LYST: variants seen among roughly 807,000 people sequenced by gnomAD.
LYST encodes the protein lysosomal-trafficking regulator.
A neutral mutation model predicts 413.6 loss-of-function variants in LYST; 192 were observed. The ratio of observed to expected loss-of-function variants is 0.46; its 90% confidence interval spans 0.41 to 0.52. The LOEUF (loss-of-function observed/expected upper bound fraction) is 0.52. Among genes scored for constraint, LYST ranks in the 20% least tolerant of loss-of-function variants. LYST has a pLI of 0.00. For synonymous variants in LYST, 1,525 were observed against 1,567.3 expected, an observed-to-expected ratio of 0.97 and a Z score of 0.64; for missense variants, 3,815 against 4,499.9, an observed-to-expected ratio of 0.85 and a Z score of 4.35.
intron 1 of LYST, among the ~76,000 whole-genome samples, chr1:235,836,250 T>C (rs1676561237): frequency 6.6e-6 from 1 of 152,244 alleles, no homozygotes; most frequent in Admixed American, 6.5e-5. Context: ...ATTGAACATT[T>C]ACTGTATGTG....
In LYST at chr1:235,759,075, C is replaced by T. The variant is rs770175695; in HGVS notation, c.6778G>A (p.Gly2260Ser). Residue 2260 changes from glycine (G) to serine (S), a missense_variant, in exon 23 of 53, where the codon GGC becomes AGC. Physicochemically the swap from Gly to Ser is moderately conservative, Grantham distance 56. Coordinates refer to ENST00000389793, the MANE Select transcript of LYST (RefSeq NM_000081.4). ...FPSQNGSAAVGRWPSLVDRNT... is the reference protein window; with the variant it reads ...FPSQNGSAAVSRWPSLVDRNT... ...CTATCAACAAGACTTGGCCAACGGC[C>T]AACAGCTGCAGATCCGTTCTGTGAA... 2.5e-6 allele frequency: 4 copies of T among 1,614,148 alleles called. No individual in the cohort carries two copies. Among genetic ancestry groups the T allele is most frequent in the East Asian group, 2.2e-5 (1 of 44,880 alleles).
At chr1:235,817,973 T>C (rs942158441) in intron 3 of LYST, among the ~76,000 whole-genome samples, 3 of 152,176 alleles carry the variant, frequency 2.0e-5, no homozygotes, top group African/African-American at 7.2e-5. Context: ...AGAAAATACG[T>C]AAGTTTTACA....
chr1:235,746,469 C>A lies in LYST; in HGVS notation c.7839G>T (p.Val2613=). The A allele has an allele frequency of 6.2e-7, 1 of 1,613,834 alleles. No homozygotes were observed. The highest frequency in any genetic ancestry group is 8.5e-7 in the Non-Finnish European group (1 of 1,179,882). Residue 2613 remains valine, a synonymous_variant, in exon 29 of 53, where the codon GTG becomes GTT. Coordinates refer to ENST00000389793, the MANE Select transcript of LYST (RefSeq NM_000081.4). ...TESLLMKMRS[V]ANDELHVMMQ... is the part of the protein sequence containing the mutation. Reference sequence around the variant, plus strand: ...TCATCACATGAAGCTCATCATTTGCCACTGAACGCATTTTCATCAGAAGCG... The same window carrying A: ...TCATCACATGAAGCTCATCATTTGCAACTGAACGCATTTTCATCAGAAGCG...
At chr1:235,722,165 A>G (rs995489794) in intron 39 of LYST, among the ~76,000 whole-genome samples, 2 of 152,238 alleles carry the variant, frequency 1.3e-5, no homozygotes, top group African/African-American at 4.8e-5. Flanking sequence ...GCATGGATGG[A>G]GTAGACAGAG....
Position 235,724,145 on chromosome 1 carries a change from G to A in LYST, c.9198C>T (p.Ser3066=), listed in dbSNP as rs543359133. 272 of 1,613,818 alleles carry A rather than the reference G, an allele frequency of 1.7e-4. 3 individuals carry two copies. The South Asian group carries it at 2.9e-3, about 17-fold the overall frequency. The change falls in exon 39 of 53, where the codon TCC becomes TCT. Residue 3066 remains serine, a synonymous_variant. Transcript: ENST00000389793. ...LQGELEPASF[S]WTYEEIKEVH... The stretch of plus-strand genomic sequence containing the variant: ...CTTCTTTAATTTCTTCATATGTCCA[G>A]GAAAATGATGCTGGTTCCAACTCTC...
chr1:235,773,560 T>C (rs903812964), intron 19 of LYST, among the ~76,000 whole-genome samples: 14 of 152,108 alleles, frequency 9.2e-5, no homozygotes, highest in Non-Finnish European at 1.6e-4. Flanking sequence ...AAAAGACAAA[T>C]ACTATACGAT....
At chr1:235,837,866 TA>T (rs1293891695) in intron 1 of LYST, among the ~76,000 whole-genome samples, 3 of 149,994 alleles carry the variant, frequency 2.0e-5, no homozygotes, top group East Asian at 3.9e-4. Context: ...TAAGTGAGGT[TA>T]AAAAAAAACC....
chr1:235,696,975 A>G (rs1661157581), intron 46 of LYST, 108 bp downstream of exon 46: 1 of 1,039,058 alleles, frequency 9.6e-7, no homozygotes, highest in Non-Finnish European at 1.5e-6. Context: ...CACAAATTTG[A>G]GCTGAGTTTT....
intron 1 of LYST, among the ~76,000 whole-genome samples, chr1:235,846,132 C>A (rs796875381): frequency 6.6e-6 from 1 of 152,174 alleles, no homozygotes; most frequent in Non-Finnish European, 1.5e-5. Context: ...CACCCTCCAC[C>A]ACCTGCACCA....
intron 50 of LYST, among the ~76,000 whole-genome samples, chr1:235,671,725 GAGA>G (rs140792631): frequency 0.02 from 3,012 of 152,328 alleles, 104 homozygotes; most frequent in African/African-American, 0.069. Context: ...GTGATTAAGA[GAGA>G]AGAATAGTAA....
intron 6 of LYST, 107 bp downstream of exon 6, chr1:235,805,636 T>A: frequency 2.7e-6 from 1 of 373,250 alleles, no homozygotes; most frequent in Admixed American, 4.4e-5. Flanking sequence ...ATAATATATA[T>A]ATTACATATA....
intron 48 of LYST, among the ~76,000 whole-genome samples, chr1:235,683,713 C>G (rs1660007371): frequency 6.6e-6 from 1 of 152,174 alleles, no homozygotes; most frequent in South Asian, 2.1e-4. Flanking sequence ...GTGTTAAAGA[C>G]AATCCAAAGG....
chr1:235,762,743 C>T lies in LYST; in HGVS notation c.6230G>A (p.Gly2077Asp). 6.2e-7 allele frequency: 1 copy of T among 1,613,476 alleles called. No homozygotes were observed. The highest frequency in any genetic ancestry group is 8.5e-7 in the Non-Finnish European group (1 of 1,179,558). The part of the protein sequence containing the change: ...SPGFMVISPS[G>D]FTASPYEGEN... Reference sequence around the variant, plus strand: ...ACCTTCATATGGTGAAGCAGTAAAACCAGATGGGCTTATTACCATAAATCC... The same window carrying T: ...ACCTTCATATGGTGAAGCAGTAAAATCAGATGGGCTTATTACCATAAATCC... Residue 2077 changes from glycine (G) to aspartate (D), a missense_variant, in exon 22 of 53, where the codon GGT becomes GAT. Gly to Asp is a moderately conservative substitution (Grantham distance 94). This residue lies in a region of LYST where 530 missense variants were observed against 696.5 expected (regional missense o/e 0.76). Coordinates refer to ENST00000389793, the MANE Select transcript of LYST (RefSeq NM_000081.4).
At position 235,733,569 on chromosome 1, in the gene LYST, A is replaced by G; in HGVS notation, c.8735T>C (p.Met2912Thr). 6.2e-7 allele frequency: 1 copy of G among 1,613,908 alleles called. No individual in the cohort carries two copies. The highest frequency in any genetic ancestry group is 1.3e-5 in the African/African-American group (1 of 75,026). Residue 2912 changes from methionine to threonine, a missense_variant, in exon 34 of 53, where the codon ATG becomes ACG. By Grantham distance (81) the Met-to-Thr change is moderately conservative. Coordinates refer to ENST00000389793, the MANE Select transcript of LYST (RefSeq NM_000081.4). ...RKKVIQHIRG[M>T]YKVDLSASRH... ...GCTGGCACTCAAATCTACTTTATAC[A>G]TTCCTCTAATATGCTGGATCACCTT... is the stretch of plus-strand genomic sequence containing the variant.
intron 31 of LYST, chr1:235,737,916 A>AATAGAGAGGTGTAT: frequency 8.6e-7 from 1 of 1,163,406 alleles, no homozygotes; most frequent in Non-Finnish European, 1.1e-6. Flanking sequence ...GCTGCCGACG[A>AATAGAGAGGTGTAT]GTCTGGATCT....
At chr1:235,692,016 T>A (rs945753790) in intron 47 of LYST, among the ~76,000 whole-genome samples, 1 of 149,672 alleles carries the variant, frequency 6.7e-6, no homozygotes, top group Non-Finnish European at 1.5e-5. Flanking sequence ...GATTCTTGAC[T>A]GGACAAATTG....
intron 1 of LYST, among the ~76,000 whole-genome samples, chr1:235,875,470 CTG>C (rs1206481745): frequency 5.9e-5 from 9 of 152,170 alleles, no homozygotes; most frequent in Admixed American, 5.9e-4. Context: ...ACACAATATT[CTG>C]ACTCTCCAGA....
At chr1:235,726,420 AGTTTC>A (rs1663876780) in intron 38 of LYST, among the ~76,000 whole-genome samples, 1 of 152,230 alleles carries the variant, frequency 6.6e-6, no homozygotes, top group African/African-American at 2.4e-5. Context: ...TCCTTTGTTT[AGTTTC>A]AACATTCATT....
At position 235,793,631 on chromosome 1, in the gene LYST, G is replaced by GA. The variant is rs751643983; in HGVS notation, c.4007-20dup. 4.4e-6 allele frequency: 6 copies of GA among 1,365,440 alleles called. No homozygotes were observed. The highest frequency in any genetic ancestry group is 6.3e-6 in the Non-Finnish European group (6 of 955,988). 84.6% of individuals were successfully genotyped at this position (1,365,440 alleles called of 1,614,324 possible). On this transcript the variant is annotated intron_variant, in intron 10 of 52. Transcript: ENST00000389793. ...TGGCATGCTAAATTAAAGAAAGAGG[G>GA]AAAAAATTAAAGCTAGTACACAATT... is the stretch of plus-strand genomic sequence containing the variant.
Sources: allele counts gnomAD v4.1 joint callset (sites outside exome capture counted in the v4.1 genomes callset), GRCh38; gene constraint gnomAD v4.1.1; regional missense constraint gnomAD v4.1.1; transcripts MANE v1.5; gene names NCBI Gene and HGNC (gene_info 2026-07-23, HGNC 2026-07-21).